The following FUT9 variants were observed in gnomAD, a reference collection of about 807,000 sequenced individuals.
FUT9 encodes fucosyltransferase 9, also known as 4-galactosyl-N-acetylglucosaminide 3-alpha-L-fucosyltransferase 9.
In FUT9, 15 loss-of-function variants were observed where a neutral mutation model predicts 29.7. The ratio of observed to expected loss-of-function variants is 0.51; its 90% confidence interval spans 0.34 to 0.78. FUT9 has a LOEUF of 0.78. Ranked by LOEUF, FUT9 falls within the 30% of genes least tolerant of loss-of-function variation. The probability of loss-of-function intolerance (pLI) is 0.01; values close to 1 mark genes in which losing one functional copy is unlikely to be tolerated. For synonymous variants in FUT9, 169 were observed against 153.7 expected (o/e 1.10, Z -0.74); for missense variants, 319 against 425.4 (o/e 0.75, Z 2.20).
chr6:96,174,686 G>C (rs977709084), intron 2 of FUT9, among the ~76,000 whole-genome samples: 1 of 152,092 alleles, frequency 6.6e-6, no homozygotes, highest in African/African-American at 2.4e-5. Flanking sequence ...CTTTTATTTG[G>C]AACCAGGAAA....
chr6:96,117,613 A>C (rs1412937351), intron 2 of FUT9, among the ~76,000 whole-genome samples: 1 of 152,232 alleles, frequency 6.6e-6, no homozygotes, highest in Non-Finnish European at 1.5e-5. Flanking sequence ...TTTAAACACA[A>C]GAAAAGTCTC....
intron 2 of FUT9, among the ~76,000 whole-genome samples, chr6:96,202,570 A>T (rs376550144): frequency 6.6e-6 from 1 of 152,188 alleles, no homozygotes; most frequent in South Asian, 2.1e-4. Context: ...TTAAAAATGT[A>T]TCAAATCAAG....
rs1465582911 is a variant in FUT9 at position 96,206,412 on chromosome 6, G to C, written c.*2177G>C. On this transcript the variant is annotated 3_prime_UTR_variant, in exon 3 of 3. Transcript: ENST00000302103. ...AATTTTTTGGTCTATAAAAAGCATA[G>C]AGATCTAAAGAGGATACACTGCTAA... 1 of 166,968 alleles carries C rather than the reference G, an allele frequency of 6.0e-6. No individual in the cohort carries two copies. Among genetic ancestry groups the C allele is most frequent in the Non-Finnish European group, 1.5e-5 (1 of 68,104 alleles). The allele number at this position is 166,968 out of a possible 1,614,324, so 10.3% of individuals were successfully genotyped here. A position where few individuals can be genotyped will look rare whatever the true frequency, so the allele number is the denominator to read the frequency against.
chr6:96,161,144 T>C (rs940799220), intron 2 of FUT9, among the ~76,000 whole-genome samples: 2 of 152,158 alleles, frequency 1.3e-5, no homozygotes, highest in Non-Finnish European at 2.9e-5. Flanking sequence ...CATCTGAATG[T>C]TTATATCTGC....
At chr6:96,193,874 T>TA (rs1427186013) in intron 2 of FUT9, among the ~76,000 whole-genome samples, 2 of 152,092 alleles carry the variant, frequency 1.3e-5, no homozygotes, top group Non-Finnish European at 2.9e-5. Flanking sequence ...TATGCAGCCA[T>TA]AAAAAAGGAT....
chr6:96,154,947 A>C (rs1292104715), intron 2 of FUT9, among the ~76,000 whole-genome samples: 2 of 152,160 alleles, frequency 1.3e-5, no homozygotes, highest in African/African-American at 4.8e-5. Context: ...CTGCTGTGCA[A>C]TAGGAGAGGG....
intron 1 of FUT9, among the ~76,000 whole-genome samples, chr6:96,077,206 A>G (rs1418566026): frequency 6.6e-6 from 1 of 152,094 alleles, no homozygotes; most frequent in Admixed American, 6.6e-5. Flanking sequence ...TGAGGTTAGG[A>G]TCCTCACAGT....
At position 96,205,694 on chromosome 6, in the gene FUT9, A is replaced by G. The variant is rs897673066; in HGVS notation, c.*1459A>G. ...GAAAACATTCCTCAAAATGATCTTT[A>G]GTGCCTTTATTCCTTTCAGGCCAAT... On this transcript the variant is annotated 3_prime_UTR_variant, in exon 3 of 3. Coordinates refer to ENST00000302103, the MANE Select transcript of FUT9 (RefSeq NM_006581.4). The G allele has an allele frequency of 6.0e-6, 1 of 166,328 alleles. No homozygotes were observed. The highest frequency in any genetic ancestry group is 2.4e-5 in the African/African-American group (1 of 41,468). The allele number at this position is 166,328 out of a possible 1,614,324, so 10.3% of individuals were successfully genotyped here. A position where few individuals can be genotyped will look rare whatever the true frequency, so the allele number is the denominator to read the frequency against.
rs994675946 is a variant in FUT9 at position 96,076,456 on chromosome 6, T to C, written c.-97-37583T>C. 2.6e-5 allele frequency among the ~76,000 whole-genome samples: 4 copies of C among 152,238 alleles called. No individual in the cohort carries two copies. The South Asian group carries it at 8.3e-4, about 32-fold the overall frequency. The stretch of plus-strand genomic sequence containing the variant: ...CTTCCTTCATCCAAGGAGACAAATA[T>C]CCACATGCTTTTTGAGTTTTCACCT... On this transcript the variant is annotated intron_variant, in intron 1 of 2. Coordinates refer to ENST00000302103, the MANE Select transcript of FUT9 (RefSeq NM_006581.4).
intron 2 of FUT9, among the ~76,000 whole-genome samples, chr6:96,187,912 C>T (rs780803531): frequency 1.3e-5 from 2 of 152,134 alleles, no homozygotes; most frequent in Non-Finnish European, 2.9e-5. Flanking sequence ...GAGAATGTGC[C>T]TAGGAGGGGA....
At chr6:96,114,888 G>A (rs1771881967) in intron 2 of FUT9, among the ~76,000 whole-genome samples, 1 of 152,168 alleles carries the variant, frequency 6.6e-6, no homozygotes, top group Non-Finnish European at 1.5e-5. Context: ...TCATGAATCA[G>A]TAGTGTCCCT....
chr6:96,096,526 C>A (rs1455228854), intron 1 of FUT9, among the ~76,000 whole-genome samples: 2 of 152,110 alleles, frequency 1.3e-5, no homozygotes, highest in Non-Finnish European at 2.9e-5. Context: ...TGTCCCATCA[C>A]TCCCTTAATC....
chr6:96,154,060 G>A (rs1031214782), intron 2 of FUT9, among the ~76,000 whole-genome samples: 2 of 152,220 alleles, frequency 1.3e-5, no homozygotes, highest in African/African-American at 4.8e-5. Flanking sequence ...AAAAGTAGAA[G>A]AGATGTTTTC....
intron 1 of FUT9, among the ~76,000 whole-genome samples, chr6:96,106,804 G>C (rs1261780631): frequency 6.6e-6 from 1 of 152,178 alleles, no homozygotes. Context: ...CTTAGAGCTA[G>C]AGAAATGAAG....
intron 1 of FUT9, among the ~76,000 whole-genome samples, chr6:96,071,846 G>A (rs1274493665): frequency 6.6e-6 from 1 of 151,806 alleles, no homozygotes; most frequent in Non-Finnish European, 1.5e-5. Flanking sequence ...TGTTACCCAG[G>A]CTGGTCTCAA....
At chr6:96,158,012 A>G (rs1175324902) in intron 2 of FUT9, among the ~76,000 whole-genome samples, 2 of 152,208 alleles carry the variant, frequency 1.3e-5, no homozygotes, top group East Asian at 3.8e-4. Flanking sequence ...AAGAATCACT[A>G]ATAGAACAAG....
In FUT9 at chr6:96,206,124, T is replaced by C. The variant is rs901569743; in HGVS notation, c.*1889T>C. 2.4e-5 allele frequency: 4 copies of C among 167,072 alleles called. No homozygotes were observed. The highest frequency in any genetic ancestry group is 7.2e-5 in the African/African-American group (3 of 41,446). 10.3% of individuals were successfully genotyped at this position (167,072 alleles called of 1,614,324 possible). On this transcript the variant is annotated 3_prime_UTR_variant, in exon 3 of 3. Transcript: ENST00000302103. ...ATGCATGTGCTACTCCGAATGACGTTTGTATGGGTCAATGCTGATTTAATG... is the reference window on the plus strand; with the variant it reads ...ATGCATGTGCTACTCCGAATGACGTCTGTATGGGTCAATGCTGATTTAATG...
At chr6:96,166,605 A>T (rs553102210) in intron 2 of FUT9, among the ~76,000 whole-genome samples, 1 of 152,290 alleles carries the variant, frequency 6.6e-6, no homozygotes, top group African/African-American at 2.4e-5. Context: ...AATATTTCCT[A>T]TACTTTTTTT....
At chr6:96,190,786 G>GTTATTCTAGT (rs755494848) in intron 2 of FUT9, among the ~76,000 whole-genome samples, 1 of 151,758 alleles carries the variant, frequency 6.6e-6, no homozygotes, top group African/African-American at 2.4e-5. Flanking sequence ...CTCTACACTG[G>GTTATTCTAGT]TTATTCTAGT....
Sources: allele counts gnomAD v4.1 joint callset (sites outside exome capture counted in the v4.1 genomes callset), GRCh38; gene constraint gnomAD v4.1.1; transcripts MANE v1.5; gene names NCBI Gene and HGNC (gene_info 2026-07-23, HGNC 2026-07-21).